ADRA1A: variants seen among roughly 807,000 people sequenced by gnomAD.
ADRA1A encodes the protein alpha-1A adrenergic receptor.
Under a neutral mutation model 29.6 loss-of-function variants are expected in ADRA1A, and 31 were observed. The ratio of observed to expected loss-of-function variants is 1.05; its 90% CI spans 0.79 to 1.41. ADRA1A has a LOEUF of 1.41. Among genes scored for constraint, ADRA1A ranks in the 40% most tolerant of loss-of-function variants. ADRA1A has a pLI of 0.00. For missense variants in ADRA1A, 619 were observed against 601.1 expected (o/e 1.03, Z -0.31); for synonymous variants, 311 against 254.3 (o/e 1.22, Z -2.12).
intron 2 of ADRA1A, among the ~76,000 whole-genome samples, chr8:26,818,634 A>G (rs1434186238): frequency 6.6e-6 from 1 of 152,142 alleles, no homozygotes; most frequent in East Asian, 1.9e-4. Flanking sequence ...GAGCTGAATA[A>G]TACATTAAAA....
chr8:26,836,423 C>T (rs1292731363), intron 2 of ADRA1A: 5 of 152,532 alleles, frequency 3.3e-5, no homozygotes, highest in African/African-American at 1.2e-4. Flanking sequence ...AAATGCTAAT[C>T]CTGCAAAAGT....
rs1807472870 is a variant in ADRA1A, at chr8:26,787,379, A to G, written c.884-16713T>C. ...GTTAATAATTAGGTTTGTTCAGAATAGACATGTTTGGACATGGAAAAAAAA... is the reference window on the plus strand; with the variant it reads ...GTTAATAATTAGGTTTGTTCAGAATGGACATGTTTGGACATGGAAAAAAAA... On this transcript the variant is annotated intron_variant, in intron 2 of 2. Transcript: ENST00000380573. The surrounding 1 kb of genome is among the most constrained non-coding windows in gnomAD (Gnocchi z 4.2). Among the ~76,000 whole-genome samples the G allele has an allele frequency of 1.3e-5, 2 of 152,190 alleles. No individual in the cohort carries two copies. The highest frequency in any genetic ancestry group is 2.9e-5 in the Non-Finnish European group (2 of 68,038).
intron 2 of ADRA1A, among the ~76,000 whole-genome samples, chr8:26,836,853 T>C (rs1248245786): frequency 6.6e-6 from 1 of 152,232 alleles, no homozygotes; most frequent in Non-Finnish European, 1.5e-5. Flanking sequence ...GTATTTGGGC[T>C]GAGTGGCAAG....
rs1812389301 is a variant in ADRA1A, at chr8:26,848,603, C to T, written c.883+15484G>A. Reference sequence around the variant, plus strand: ...GAGAAATCAATGTCAGCTGCCTAAGCTGCCCAGTCTATACCTGCCCAGGTA... The same window carrying T: ...GAGAAATCAATGTCAGCTGCCTAAGTTGCCCAGTCTATACCTGCCCAGGTA... On this transcript the variant is annotated intron_variant, in intron 2 of 2. Transcript: ENST00000380573. This position sits in a 1 kb window ranked among gnomAD's most constrained non-coding sequence, Gnocchi z 4.3. 6.6e-6 allele frequency among the ~76,000 whole-genome samples: 1 copy of T among 152,196 alleles called. No homozygotes were observed. The highest frequency in any genetic ancestry group is 6.5e-5 in the Admixed American group (1 of 15,288).
chr8:26,852,487 T>C (rs1046453228), intron 2 of ADRA1A, among the ~76,000 whole-genome samples: 30 of 152,002 alleles, frequency 2.0e-4, no homozygotes, highest in African/African-American at 7.2e-4. Flanking sequence ...TCAGAAAGTC[T>C]GAGCAAAGAC....
At chr8:26,810,307 T>C (rs1809285680) in intron 2 of ADRA1A, among the ~76,000 whole-genome samples, 1 of 152,214 alleles carries the variant, frequency 6.6e-6, no homozygotes, top group African/African-American at 2.4e-5. Context: ...CAGAATGTCA[T>C]CATGACTATG....
chr8:26,755,675 G>T (rs994726001), downstream of ADRA1A, among the ~76,000 whole-genome samples: 6 of 152,128 alleles, frequency 3.9e-5, no homozygotes, highest in African/African-American at 1.4e-4. Context: ...CTCTGCAGCC[G>T]GCTGAGGCCC....
intron 2 of ADRA1A, among the ~76,000 whole-genome samples, chr8:26,750,641 C>T (rs1397396047): frequency 3.9e-5 from 6 of 152,348 alleles, no homozygotes; most frequent in Admixed American, 6.5e-5. Flanking sequence ...GGGACACAAA[C>T]ATTCCTTCTG....
chr8:26,854,433 GAGCA>G (rs1563310600), intron 2 of ADRA1A: 1 of 98,784 alleles, frequency 1.0e-5, no homozygotes, highest in African/African-American at 4.1e-5. Context: ...CGGGGGGGGG[GAGCA>G]GGCAGAGGTG....
intron 2 of ADRA1A, among the ~76,000 whole-genome samples, chr8:26,858,514 T>C (rs1813206322): frequency 6.6e-6 from 1 of 152,196 alleles, no homozygotes; most frequent in African/African-American, 2.4e-5. Flanking sequence ...TCCCCTGTTA[T>C]ATGAAAAAGA....
rs1245784691 is a variant in ADRA1A at position 26,825,762 on chromosome 8, C to G, written c.883+38325G>C. 6.6e-6 allele frequency among the ~76,000 whole-genome samples: 1 copy of G among 152,234 alleles called. No individual in the cohort carries two copies. The highest frequency in any genetic ancestry group is 2.4e-5 in the African/African-American group (1 of 41,464). On this transcript the variant is annotated intron_variant, in intron 2 of 2. Transcript: ENST00000380573. The surrounding 1 kb of genome is among the most constrained non-coding windows in gnomAD (Gnocchi z 5.7). ...TCCTGATTTAACAATCCTTAAGGAA[C>G]AGTCTCCCTTGTATCCTGCGGGCAT...
chr8:26,777,221 C>A lies in ADRA1A; in HGVS notation c.884-6555G>T, dbSNP rs6983689. ...TTAGATTATCTACCTTAGATGGTGACCAGGGCTCTCTAAGAAGGTGGTCAG... is the reference window on the plus strand; with the variant it reads ...TTAGATTATCTACCTTAGATGGTGAACAGGGCTCTCTAAGAAGGTGGTCAG... On this transcript the variant is annotated intron_variant, in intron 2 of 2. Transcript: ENST00000380573. Among the ~76,000 whole-genome samples, 538 of 152,260 alleles carry A rather than the reference C, an allele frequency of 3.5e-3. 3 individuals are homozygous for A. Among genetic ancestry groups the A allele is most frequent in the African/African-American group, 0.012 (509 of 41,540 alleles).
At chr8:26,786,899 T>G (rs989697934) in intron 2 of ADRA1A, among the ~76,000 whole-genome samples, 10 of 152,106 alleles carry the variant, frequency 6.6e-5, no homozygotes, top group African/African-American at 2.4e-4. Flanking sequence ...CCTGGTACAT[T>G]GTAGTTGTTA....
intron 2 of ADRA1A, among the ~76,000 whole-genome samples, chr8:26,854,909 A>G (rs1421679220): frequency 6.6e-6 from 1 of 152,180 alleles, no homozygotes; most frequent in Admixed American, 6.5e-5. Flanking sequence ...ATGCAGAAAG[A>G]GGCCCCAGGG....
At position 26,864,556 on chromosome 8, in the gene ADRA1A, G is replaced by A. The variant is rs758906545; in HGVS notation, c.414C>T (p.Val138=). The change falls in exon 2 of 3, where the codon GTC becomes GTT. Residue 138 remains valine (V), a synonymous_variant. Coordinates refer to ENST00000380573, the MANE Select transcript of ADRA1A (RefSeq NM_000680.4). This position sits in a 1 kb window ranked among gnomAD's most constrained non-coding sequence, Gnocchi z 8.1. The part of the protein sequence containing the change: ...VSYPLRYPTI[V]TQRRGLMALL... ...GAGCCATGAGACCCCTCCTCTGGGT[G>A]ACGATGGTTGGGTAGCGCAGCGGGT... The A allele has an allele frequency of 1.9e-6, 3 of 1,614,034 alleles. No individual in the cohort carries two copies. Among genetic ancestry groups the A allele is most frequent in the African/African-American group, 1.3e-5 (1 of 74,954 alleles).
At position 26,769,981 on chromosome 8, in the gene ADRA1A, C is replaced by T. The variant is rs1288767075; in HGVS notation, c.*168G>A. 2 of 1,425,242 alleles carry T rather than the reference C, an allele frequency of 1.4e-6. No individual in the cohort carries two copies. Among genetic ancestry groups the T allele is most frequent in the African/African-American group, 1.4e-5 (1 of 70,734 alleles). The allele number at this position is 1,425,242 out of a possible 1,614,324, so 88.3% of individuals were successfully genotyped here. ...TGGTTGTGAGACACCCTCCCTCTTC[C>T]CTGTGCCCTACCCGCTGCCTGATGA... On this transcript the variant is annotated 3_prime_UTR_variant, in exon 3 of 3. Coordinates refer to ENST00000380573, the MANE Select transcript of ADRA1A (RefSeq NM_000680.4).
chr8:26,811,853 T>A (rs542657311), intron 2 of ADRA1A, among the ~76,000 whole-genome samples: 1 of 152,364 alleles, frequency 6.6e-6, no homozygotes, highest in African/African-American at 2.4e-5. Context: ...TGCCTGACTT[T>A]GTTTACTCAG....
At chr8:26,842,843 C>G (rs1489847774) in intron 2 of ADRA1A, among the ~76,000 whole-genome samples, 1 of 141,168 alleles carries the variant, frequency 7.1e-6, no homozygotes, top group Non-Finnish European at 1.5e-5. Flanking sequence ...TTCCATGACT[C>G]TCTCTCTCCC....
Position 26,775,337 on chromosome 8 carries a change from G to C in ADRA1A, c.884-4671C>G, listed in dbSNP as rs570965938. Among the ~76,000 whole-genome samples the C allele has an allele frequency of 2.0e-5, 3 of 152,180 alleles. No individual in the cohort carries two copies. Among genetic ancestry groups the C allele is most frequent in the South Asian group, 2.1e-4 (1 of 4,814 alleles). ...CTCCCAACCCTGACTTCTTTCTGCT[G>C]TCTCATTCTTCTTTTTTTTGCCCAC... On this transcript the variant is annotated intron_variant, in intron 2 of 2. Coordinates refer to ENST00000380573, the MANE Select transcript of ADRA1A (RefSeq NM_000680.4). The surrounding 1 kb of genome is among the most constrained non-coding windows in gnomAD (Gnocchi z 4.1).
Sources: gnomAD v4.1 joint callset for allele counts (sites outside exome capture counted in the v4.1 genomes callset) on GRCh38, gnomAD v4.1.1 for gene constraint, Gnocchi (gnomAD v3.1) non-coding constraint, MANE v1.5 for transcripts, NCBI Gene and HGNC (gene_info 2026-07-23, HGNC 2026-07-21) for gene names.